CD109: variants seen among roughly 807,000 people sequenced by gnomAD.
CD109 encodes CD109 antigen.
CD109 carries 149 observed loss-of-function variants against 165.8 expected under a neutral mutation model. That is an observed-to-expected ratio of 0.90 (90% CI 0.79 to 1.03). CD109 has a LOEUF of 1.03. CD109 is among the 50% of genes least tolerant of loss of function. CD109 has a pLI of 0.00. For synonymous variants in CD109, 585 were observed against 592.1 expected (o/e 0.99, Z 0.18); for missense variants, 1,712 against 1,677.8 (o/e 1.02, Z -0.36).
At chr6:73,737,097 A>G (rs940913294) in intron 5 of CD109, among the ~76,000 whole-genome samples, 5 of 152,238 alleles carry the variant, frequency 3.3e-5, no homozygotes, top group African/African-American at 1.2e-4. Context: ...ATGGGATGGA[A>G]ACAATTTTAA....
At chr6:73,770,952 C>G (rs1019161438) in intron 14 of CD109, among the ~76,000 whole-genome samples, 2 of 152,158 alleles carry the variant, frequency 1.3e-5, no homozygotes, top group Non-Finnish European at 2.9e-5. Context: ...ACCACCCACT[C>G]CCTTGGAAAG....
chr6:73,783,699 G>C lies in CD109; in HGVS notation c.2106-8G>C. ...TTGTGATGTTTATATTTATTATCTT[G>C]ACTTCAGTTACAGGATTTACCAAGA... On this transcript the variant is annotated splice_polypyrimidine_tract_variant and splice_region_variant and intron_variant, in intron 18 of 32. Coordinates refer to ENST00000287097, the MANE Select transcript of CD109 (RefSeq NM_133493.5). The C allele has an allele frequency of 3.4e-6, 5 of 1,454,784 alleles. No individual in the cohort carries two copies. Among genetic ancestry groups the C allele is most frequent in the Middle Eastern group, 3.5e-4 (2 of 5,778 alleles). The allele number at this position is 1,454,784 out of a possible 1,614,324, so 90.1% of individuals were successfully genotyped here. A position where few individuals can be genotyped will look rare whatever the true frequency, so the allele number is the denominator to read the frequency against.
chr6:73,748,961 C>T (rs1230635023), intron 5 of CD109, among the ~76,000 whole-genome samples: 1 of 152,106 alleles, frequency 6.6e-6, no homozygotes, highest in Non-Finnish European at 1.5e-5. Flanking sequence ...TAAGCTCTCC[C>T]AATTTTATGG....
chr6:73,696,060 T>G, upstream of CD109: 3 of 674,458 alleles, frequency 4.4e-6, no homozygotes, highest in South Asian at 1.7e-5. Context: ...CCTGTCTCAA[T>G]TTAGATCTCT....
chr6:73,687,166 T>G, the CD109 span, among the ~76,000 whole-genome samples: 1 of 152,228 alleles, frequency 6.6e-6, no homozygotes, highest in African/African-American at 2.4e-5. Flanking sequence ...ATTTATTAGT[T>G]GGAAAACTAT....
rs1776256408 is a variant in CD109, at chr6:73,825,830, T to C, written c.*2197T>C. 1 of 151,970 alleles carries C rather than the reference T, an allele frequency of 6.6e-6. No individual in the cohort carries two copies. The highest frequency in any genetic ancestry group is 1.5e-5 in the Non-Finnish European group (1 of 68,026). The allele number at this position is 151,970 out of a possible 1,614,324, so 9.4% of individuals were successfully genotyped here. The stretch of plus-strand genomic sequence containing the variant: ...CCGTCCCTACTAAAAATACAAAATT[T>C]AGCCAGGCGTGGTGGCATGCACCTG... On this transcript the variant is annotated 3_prime_UTR_variant, in exon 33 of 33. Coordinates refer to ENST00000287097, the MANE Select transcript of CD109 (RefSeq NM_133493.5).
At chr6:73,699,515 G>T (rs905143841) in intron 2 of CD109, among the ~76,000 whole-genome samples, 31 of 152,216 alleles carry the variant, frequency 2.0e-4, no homozygotes, top group South Asian at 1.0e-3. Context: ...CACCTGTTAG[G>T]TCTTTTCTGT....
intron 2 of CD109, 96 bp from the exon 3 acceptor site, chr6:73,723,155 C>T: frequency 6.3e-7 from 1 of 1,588,994 alleles, no homozygotes; most frequent in Non-Finnish European, 8.5e-7. Context: ...ATTCCACCTA[C>T]ACATGTAAGA....
chr6:73,808,530 C>T (rs1026795776), intron 26 of CD109, among the ~76,000 whole-genome samples: 4 of 152,130 alleles, frequency 2.6e-5, no homozygotes, highest in South Asian at 4.2e-4. Context: ...GTTTGGCAGC[C>T]TTGTAGTTTG....
intron 15 of CD109, among the ~76,000 whole-genome samples, chr6:73,773,863 T>C (rs1315022003): frequency 1.3e-5 from 2 of 152,188 alleles, no homozygotes; most frequent in Non-Finnish European, 2.9e-5. Flanking sequence ...CTGGGACTTT[T>C]GTTTTTCAGA....
chr6:73,750,942 C>T (rs1773163736), intron 5 of CD109, among the ~76,000 whole-genome samples: 1 of 125,820 alleles, frequency 7.9e-6, no homozygotes, highest in South Asian at 2.4e-4. Context: ...CTGTCATGTT[C>T]GGTTACTTTC....
At chr6:73,787,555 C>A in intron 21 of CD109, 103 bp downstream of exon 21, 1 of 789,332 alleles carries the variant, frequency 1.3e-6, no homozygotes, top group Non-Finnish European at 2.0e-6. Flanking sequence ...TCTAGTAGGT[C>A]ATCTTCTTTA....
chr6:73,818,546 A>G lies in CD109; in HGVS notation c.4059+11A>G, dbSNP rs769860934. On this transcript the variant is annotated intron_variant, in intron 31 of 32. Transcript: ENST00000287097. ...CTCTATTTAGATTCTGTAAGTAGTA[A>G]AACATAAGGTAACTGTTGACAAAGC... 3 of 1,610,042 alleles carry G rather than the reference A, an allele frequency of 1.9e-6. No homozygotes were observed. Among genetic ancestry groups the G allele is most frequent in the South Asian group, 2.2e-5 (2 of 90,084 alleles).
chr6:73,776,640 C>A (rs1774256269), intron 15 of CD109, among the ~76,000 whole-genome samples: 2 of 144,340 alleles, frequency 1.4e-5, no homozygotes, highest in South Asian at 4.4e-4. Context: ...TCACTGCAAC[C>A]TTCACCTTCT....
At position 73,815,142 on chromosome 6, in the gene CD109, C is replaced by T; in HGVS notation, c.3911+19C>T. Reference sequence around the variant, plus strand: ...GTACAAGGTAAGTGTCTGCTTAGGTCTCTCTTCTTTTTTTCCTTTAAAAAA... The same window carrying T: ...GTACAAGGTAAGTGTCTGCTTAGGTTTCTCTTCTTTTTTTCCTTTAAAAAA... On this transcript the variant is annotated intron_variant, in intron 30 of 32. Coordinates refer to ENST00000287097, the MANE Select transcript of CD109 (RefSeq NM_133493.5). The T allele has an allele frequency of 6.5e-7, 1 of 1,543,030 alleles. No homozygotes were observed. Among genetic ancestry groups the T allele is most frequent in the Non-Finnish European group, 8.7e-7 (1 of 1,155,652 alleles).
Position 73,697,484 on chromosome 6 carries a change from T to A in CD109, c.159T>A (p.Pro53=). 6.2e-7 allele frequency: 1 copy of A among 1,614,106 alleles called. No homozygotes were observed. The highest frequency in any genetic ancestry group is 1.3e-5 in the African/African-American group (1 of 75,034). The change falls in exon 2 of 33, where the codon CCT becomes CCA. Residue 53 remains proline, a synonymous_variant. Transcript: ENST00000287097. ...GGGTGGAGCTTCTGGAACACTGCCC[T>A]TCACAGGTGACTGTGAAGGCGGAGC... ...TIGVELLEHC[P]SQVTVKAELL... is the part of the protein sequence containing the mutation.
intron 22 of CD109, among the ~76,000 whole-genome samples, chr6:73,790,097 T>TC (rs904684899): frequency 8.1e-6 from 1 of 123,464 alleles, no homozygotes; most frequent in African/African-American, 3.1e-5. Context: ...ATGCTAAAAG[T>TC]CCTTTTTTTT....
chr6:73,818,308 G>A, intron 30 of CD109, 80 bp from the exon 31 acceptor site: 1 of 1,478,926 alleles, frequency 6.8e-7, no homozygotes, highest in Non-Finnish European at 9.4e-7. Flanking sequence ...TGGTGGGTTT[G>A]ATTTTTGTAT....
intron 3 of CD109, among the ~76,000 whole-genome samples, chr6:73,724,613 A>ATTT (rs11386114): frequency 7.4e-5 from 10 of 135,146 alleles, no homozygotes; most frequent in Non-Finnish European, 9.5e-5. Context: ...ATTACCTTAA[A>ATTT]TTTTTTTTTT....
Sources: gnomAD v4.1 joint callset for allele counts (sites outside exome capture counted in the v4.1 genomes callset) on GRCh38, gnomAD v4.1.1 for gene constraint, MANE v1.5 for transcripts, NCBI Gene and HGNC (gene_info 2026-07-23, HGNC 2026-07-21) for gene names.